CFAP20DC: variants seen among roughly 807,000 people sequenced by gnomAD.
CFAP20DC encodes CFAP20 domain containing.
In CFAP20DC, 84 loss-of-function variants were observed where a neutral mutation model predicts 101.7. The ratio of observed to expected loss-of-function variants is 0.83; its 90% confidence interval spans 0.69 to 0.99. CFAP20DC has a LOEUF of 0.99. Among genes scored for constraint, CFAP20DC ranks in the 50% least tolerant of loss-of-function variants. The pLI is 0.00. For missense variants in CFAP20DC, 1,007 were observed against 970.3 expected (o/e 1.04, Z -0.50); for synonymous variants, 359 against 351.2 (o/e 1.02, Z -0.25).
rs1559778460 is a variant in CFAP20DC, at chr3:58,891,428, AGGGAG to A, written c.551-6724_551-6720del. The stretch of plus-strand genomic sequence containing the variant: ...GGAAAGAGAGGGAGACCGTGGGGAG[AGGGAG>A]AGGGAGAGGGAGAGGGAGAGGGAGA... On this transcript the variant is annotated intron_variant, in intron 6 of 16. Transcript: ENST00000482387. 7.3e-3 allele frequency among the ~76,000 whole-genome samples: 11 copies of A among 1,500 alleles called. No homozygotes were observed. In the East Asian group the frequency reaches 0.5, roughly 68 times the overall value. The allele number at this position is 1,500 out of a possible 152,430, so 1.0% of individuals were successfully genotyped here.
rs183436003 is a variant in CFAP20DC at position 58,894,507 on chromosome 3, C to A, written c.551-9798G>T. 6.6e-6 allele frequency among the ~76,000 whole-genome samples: 1 copy of A among 152,224 alleles called. No homozygotes were observed. Among genetic ancestry groups the A allele is most frequent in the African/African-American group, 2.4e-5 (1 of 41,462 alleles). On this transcript the variant is annotated intron_variant, in intron 6 of 16. Transcript: ENST00000482387. This position sits in a 1 kb window ranked among gnomAD's most constrained non-coding sequence, Gnocchi z 4.1. ...GACTCCATGTCTCACATTCAGGACA[C>A]GCTGATGCAGAAGGTGGGTTCCTAC...
intron 3 of CFAP20DC, among the ~76,000 whole-genome samples, chr3:59,044,435 T>C (rs1185504380): frequency 1.3e-5 from 2 of 152,162 alleles, no homozygotes; most frequent in Admixed American, 1.3e-4. Context: ...CTACACATGA[T>C]ATAGAAAAGC....
chr3:58,716,404 C>A (rs965365804), downstream of CFAP20DC, among the ~76,000 whole-genome samples: 2 of 151,738 alleles, frequency 1.3e-5, no homozygotes, highest in African/African-American at 2.4e-5. Flanking sequence ...ACCTCATGAT[C>A]CACCCGCCTC....
chr3:58,718,299 A>C (rs1427974470), intron 3 of CFAP20DC, among the ~76,000 whole-genome samples: 1 of 152,228 alleles, frequency 6.6e-6, no homozygotes, highest in Non-Finnish European at 1.5e-5. Flanking sequence ...TTAAGTATCC[A>C]GTTTATTCAA....
chr3:58,853,303 A>G (rs1559709607), intron 12 of CFAP20DC, among the ~76,000 whole-genome samples: 1 of 152,212 alleles, frequency 6.6e-6, no homozygotes, highest in Non-Finnish European at 1.5e-5. Context: ...GAATCTCTGA[A>G]TAGACCAATA....
At chr3:58,902,072 T>C (rs2083197883) in intron 6 of CFAP20DC, among the ~76,000 whole-genome samples, 1 of 152,226 alleles carries the variant, frequency 6.6e-6, no homozygotes, top group Non-Finnish European at 1.5e-5. Flanking sequence ...TTCCTCCACA[T>C]TGTAGCAAGT....
At chr3:58,751,079 C>G (rs1476105746) in intron 16 of CFAP20DC, among the ~76,000 whole-genome samples, 1 of 150,534 alleles carries the variant, frequency 6.6e-6, no homozygotes, top group Non-Finnish European at 1.5e-5. Flanking sequence ...TTCTCAACCT[C>G]CTTTCCTCCC....
rs558811277 is a variant in CFAP20DC at position 58,761,588 on chromosome 3, G to T, written c.2238-7725C>A. On this transcript the variant is annotated intron_variant, in intron 15 of 16. Coordinates refer to ENST00000482387, the MANE Select transcript of CFAP20DC (RefSeq NM_001394063.1). ...TCTTGCCTTCTGCTAGCTTTTGAAT[G>T]TGTTTGCTCTTGCTTCTCTAGTTCT... 3.9e-5 allele frequency among the ~76,000 whole-genome samples: 6 copies of T among 152,190 alleles called. No homozygotes were observed. The South Asian group carries it at 1.2e-3, about 32-fold the overall frequency.
At chr3:58,866,343 T>A (rs2079687814) in intron 11 of CFAP20DC, among the ~76,000 whole-genome samples, 1 of 152,140 alleles carries the variant, frequency 6.6e-6, no homozygotes, top group Non-Finnish European at 1.5e-5. Flanking sequence ...AAACTTTCAT[T>A]CTGAACAGGA....
chr3:58,748,191 C>T (rs1480482470), intron 16 of CFAP20DC, among the ~76,000 whole-genome samples: 1 of 152,118 alleles, frequency 6.6e-6, no homozygotes, highest in Non-Finnish European at 1.5e-5. Flanking sequence ...TCTAAACGCA[C>T]TTTGTTACAC....
chr3:58,871,572 G>A (rs1315827956), intron 7 of CFAP20DC, among the ~76,000 whole-genome samples: 4 of 145,624 alleles, frequency 2.7e-5, no homozygotes, highest in Non-Finnish European at 6.0e-5. Context: ...TTTGTCACAC[G>A]AGCTGGAGTG....
At chr3:58,949,040 T>G (rs1168744886) in intron 4 of CFAP20DC, among the ~76,000 whole-genome samples, 1 of 152,208 alleles carries the variant, frequency 6.6e-6, no homozygotes, top group Non-Finnish European at 1.5e-5. Context: ...GTCGAGGAAT[T>G]TATCCATTTC....
chr3:58,882,787 C>A lies in CFAP20DC; in HGVS notation c.715+1758G>T, dbSNP rs775174469. ...CCATTGTGTGTGCCTGCATTGCTAT[C>A]AAAAAGTCCTACCTAAAGTTGGTAA... On this transcript the variant is annotated intron_variant, in intron 7 of 16. Coordinates refer to ENST00000482387, the MANE Select transcript of CFAP20DC (RefSeq NM_001394063.1). The surrounding 1 kb of genome is among the most constrained non-coding windows in gnomAD (Gnocchi z 4.2). 1.3e-5 allele frequency among the ~76,000 whole-genome samples: 2 copies of A among 152,126 alleles called. No homozygotes were observed. Among genetic ancestry groups the A allele is most frequent in the Non-Finnish European group, 2.9e-5 (2 of 68,026 alleles).
chr3:58,836,200 A>G (rs1044364159), intron 13 of CFAP20DC, among the ~76,000 whole-genome samples: 1 of 152,184 alleles, frequency 6.6e-6, no homozygotes, highest in African/African-American at 2.4e-5. Flanking sequence ...CCTTACATCT[A>G]TCAGGGCAAT....
chr3:58,831,366 T>A (rs1348772399), intron 14 of CFAP20DC, among the ~76,000 whole-genome samples: 2 of 152,258 alleles, frequency 1.3e-5, no homozygotes, highest in Non-Finnish European at 2.9e-5. Context: ...GCCTCTTGTA[T>A]GTGCCACAGG....
intron 6 of CFAP20DC, among the ~76,000 whole-genome samples, chr3:58,887,964 T>C (rs1559769704): frequency 6.6e-6 from 1 of 152,234 alleles, no homozygotes; most frequent in Non-Finnish European, 1.5e-5. Context: ...TTAGTCTCAT[T>C]TTTGTGAAAC....
intron 13 of CFAP20DC, among the ~76,000 whole-genome samples, chr3:58,832,225 T>C (rs142917177): frequency 9.6e-4 from 146 of 152,296 alleles, no homozygotes; most frequent in African/African-American, 3.4e-3. Flanking sequence ...AAGCCTTTCC[T>C]GACAACCATA....
intron 15 of CFAP20DC, among the ~76,000 whole-genome samples, chr3:58,771,268 G>A (rs1376222477): frequency 1.3e-5 from 2 of 151,968 alleles, no homozygotes; most frequent in Non-Finnish European, 2.9e-5. Context: ...GGGACTAGGG[G>A]AGGGATAACA....
At chr3:58,854,824 C>T (rs1208415299) in intron 12 of CFAP20DC, among the ~76,000 whole-genome samples, 2 of 145,406 alleles carry the variant, frequency 1.4e-5, no homozygotes, top group African/African-American at 2.6e-5. Flanking sequence ...ACACCTTATA[C>T]AAAAATCAAT....
Sources: gnomAD v4.1 joint callset for allele counts (sites outside exome capture counted in the v4.1 genomes callset) on GRCh38, gnomAD v4.1.1 for gene constraint, Gnocchi (gnomAD v3.1) non-coding constraint, MANE v1.5 for transcripts, NCBI Gene and HGNC (gene_info 2026-07-23, HGNC 2026-07-21) for gene names.